The following SPINK8 variants were observed in gnomAD, a reference collection of about 807,000 sequenced individuals.
SPINK8 encodes serine peptidase inhibitor Kazal type 8 (putative).
Under a neutral mutation model 14.4 loss-of-function variants are expected in SPINK8, and 12 were observed. That is an observed-to-expected ratio of 0.83 (90% CI 0.53 to 1.35). The LOEUF (loss-of-function observed/expected upper bound fraction) is 1.35, where lower values mean the gene tolerates loss of function less well. SPINK8 is among the 40% of genes most tolerant of loss of function. SPINK8 has a pLI of 0.00. For missense variants in SPINK8, 103 were observed against 117.0 expected (o/e 0.88, Z 0.55); for synonymous variants, 32 against 37.6 (o/e 0.85, Z 0.55).
At chr3:48,319,661 AGGTCCTTTG>A (rs1560017212) in intron 5 of SPINK8, 43 bp from the exon 6 acceptor site, 2 of 1,612,286 alleles carry the variant, frequency 1.2e-6, no homozygotes, top group Non-Finnish European at 1.7e-6. Flanking sequence ...ACTTTCATCC[AGGTCCTTTG>A]GCCGTTATTA....
intron 1 of SPINK8, among the ~76,000 whole-genome samples, chr3:48,333,061 G>C (rs2036286520): frequency 6.6e-6 from 1 of 151,958 alleles, no homozygotes; most frequent in Non-Finnish European, 1.5e-5. Context: ...GGAACGCCGG[G>C]GCAGGGGGGT....
intron 7 of SPINK8, among the ~76,000 whole-genome samples, chr3:48,307,376 T>A (rs183707648): frequency 2.4e-4 from 35 of 145,646 alleles, no homozygotes; most frequent in African/African-American, 9.6e-4. Context: ...TTCCCTTTCC[T>A]TTCCCTTCTC....
chr3:48,326,874 G>A (rs1219378322), intron 4 of SPINK8, among the ~76,000 whole-genome samples: 1 of 151,246 alleles, frequency 6.6e-6, no homozygotes, highest in Non-Finnish European at 1.5e-5. Flanking sequence ...TCACACCACT[G>A]CACTCCAGCC....
intron 2 of SPINK8, among the ~76,000 whole-genome samples, chr3:48,330,492 T>C (rs1484162916): frequency 6.6e-6 from 1 of 152,066 alleles, no homozygotes. Flanking sequence ...GCACTCTAGC[T>C]TGGGAGACAG....
rs66504818 is a variant in SPINK8 at position 48,315,720 on chromosome 3, C to CAAAAAAAAAAAAAAAAA, written c.239+3760_239+3776dup. 1.5e-3 allele frequency among the ~76,000 whole-genome samples: 32 copies of CAAAAAAAAAAAAAAAAA among 21,912 alleles called. 2 individuals carry two copies. Among genetic ancestry groups the CAAAAAAAAAAAAAAAAA allele is most frequent in the Non-Finnish European group, 2.2e-3 (23 of 10,258 alleles). 14.4% of individuals were successfully genotyped at this position (21,912 alleles called of 152,430 possible). ...TGGGTAACAGAGTAAGACTCCATCT[C>CAAAAAAAAAAAAAAAAA]AAAAAAAAAAAAAAAAAAAAAAAAG... On this transcript the variant is annotated intron_variant, in intron 6 of 7. Transcript: ENST00000434006.
intron 6 of SPINK8, among the ~76,000 whole-genome samples, chr3:48,317,557 C>T (rs923586854): frequency 4.6e-5 from 7 of 151,936 alleles, no homozygotes; most frequent in Non-Finnish European, 1.0e-4. Context: ...ACTTTGTCAC[C>T]CAGGCTGGAG....
intron 4 of SPINK8, among the ~76,000 whole-genome samples, chr3:48,324,049 T>C (rs539247515): frequency 6.6e-5 from 10 of 152,092 alleles, no homozygotes; most frequent in Non-Finnish European, 1.5e-4. Context: ...TTGATAGGAT[T>C]TGCATGGAAT....
At chr3:48,319,673 C>T (rs746279683) in intron 5 of SPINK8, 55 bp from the exon 6 acceptor site, 27 of 1,608,136 alleles carry the variant, frequency 1.7e-5, no homozygotes, top group Non-Finnish European at 2.0e-5. Flanking sequence ...GTCCTTTGGC[C>T]GTTATTATGT....
At chr3:48,320,475 G>A (rs763710982) in intron 5 of SPINK8, among the ~76,000 whole-genome samples, 5 of 151,754 alleles carry the variant, frequency 3.3e-5, no homozygotes, top group African/African-American at 2.4e-5. Context: ...TTGAACCCAG[G>A]AGGCAGAGGT....
rs148460712 is a variant in SPINK8 at position 48,332,527 on chromosome 3, A to T, written c.-241-56T>A. ...CATAGGCTTCTTCCTAGTTTTTCTT[A>T]GTCCTTCTAGCATGCAAGTTAGCAA... On this transcript the variant is annotated intron_variant, in intron 1 of 7. Coordinates refer to ENST00000434006, the MANE Select transcript of SPINK8 (RefSeq NM_001080525.3). 3.8e-3 allele frequency among the ~76,000 whole-genome samples: 576 copies of T among 152,232 alleles called. 5 individuals are homozygous for T. The highest frequency in any genetic ancestry group is 0.013 in the African/African-American group (540 of 41,538).
Position 48,329,291 on chromosome 3 carries a change from G to C in SPINK8, c.-135-17C>G, listed in dbSNP as rs2036185110. Among the ~76,000 whole-genome samples, 1 of 152,220 alleles carries C rather than the reference G, an allele frequency of 6.6e-6. No individual in the cohort carries two copies. ...TTCCAATGCCTGGAAGTAGAAGAGA[G>C]TGAGCTTTGAAATTAGGAAGTGTAG... On this transcript the variant is annotated splice_polypyrimidine_tract_variant and intron_variant, in intron 2 of 7. Transcript: ENST00000434006.
intron 4 of SPINK8, among the ~76,000 whole-genome samples, chr3:48,325,221 G>GT (rs889907196): frequency 1.7e-4 from 25 of 150,972 alleles, no homozygotes; most frequent in South Asian, 4.2e-4. Context: ...TTGGATGTTG[G>GT]TTTTTTTTTG....
intron 6 of SPINK8, among the ~76,000 whole-genome samples, chr3:48,317,468 A>G (rs2036008484): frequency 6.6e-6 from 1 of 152,192 alleles, no homozygotes; most frequent in South Asian, 2.1e-4. Flanking sequence ...AGCATGCGCA[A>G]CAAAAGTGAA....
intron 5 of SPINK8, 48 bp from the exon 6 acceptor site, chr3:48,319,666 C>T (rs750957447): frequency 6.2e-7 from 1 of 1,610,790 alleles, no homozygotes; most frequent in African/African-American, 1.3e-5. Flanking sequence ...CATCCAGGTC[C>T]TTTGGCCGTT....
chr3:48,321,092 A>T lies in SPINK8; in HGVS notation c.68-18T>A. The T allele has an allele frequency of 1.3e-6, 2 of 1,568,196 alleles. No individual in the cohort carries two copies. Among genetic ancestry groups the T allele is most frequent in the Non-Finnish European group, 1.7e-6 (2 of 1,155,398 alleles). ...GGGGAAGTCTGGAAGACAAAAGCAC[A>T]TACAGAAAAGTTGCTTCTCTGTCTT... On this transcript the variant is annotated intron_variant, in intron 4 of 7. Transcript: ENST00000434006.
chr3:48,309,784 T>C, intron 7 of SPINK8, 120 bp downstream of exon 7: 3 of 1,301,680 alleles, frequency 2.3e-6, no homozygotes, highest in Non-Finnish European at 3.0e-6. Context: ...TATTATTGGC[T>C]CTACTTTTAT....
Position 48,332,805 on chromosome 3 carries a change from T to C in SPINK8, c.-241-334A>G, listed in dbSNP as rs528218302. On this transcript the variant is annotated intron_variant, in intron 1 of 7. Coordinates refer to ENST00000434006, the MANE Select transcript of SPINK8 (RefSeq NM_001080525.3). ...TCAGATCAAAGGATTGTCCTAACCCTTGTAAAACATCAATATAGCCATCAG... is the reference window on the plus strand; with the variant it reads ...TCAGATCAAAGGATTGTCCTAACCCCTGTAAAACATCAATATAGCCATCAG... Among the ~76,000 whole-genome samples, 17 of 152,338 alleles carry C rather than the reference T, an allele frequency of 1.1e-4. No homozygotes were observed. In the South Asian group the frequency reaches 3.1e-3, roughly 28 times the overall value.
intron 4 of SPINK8, among the ~76,000 whole-genome samples, chr3:48,323,533 T>C (rs1422822818): frequency 6.6e-6 from 1 of 152,260 alleles, no homozygotes; most frequent in East Asian, 1.9e-4. Context: ...GGTCACGAAA[T>C]TCACTCATAT....
intron 1 of SPINK8, among the ~76,000 whole-genome samples, chr3:48,332,778 T>C (rs768463265): frequency 6.6e-6 from 1 of 152,210 alleles, no homozygotes; most frequent in Non-Finnish European, 1.5e-5. Flanking sequence ...TGTCTCTCCA[T>C]GTCAGATCAA....
Sources: allele counts gnomAD v4.1 joint callset (sites outside exome capture counted in the v4.1 genomes callset), GRCh38; gene constraint gnomAD v4.1.1; transcripts MANE v1.5; gene names NCBI Gene and HGNC (gene_info 2026-07-23, HGNC 2026-07-21).